Variants in GTF2I observed in about 807,000 individuals in gnomAD.
GTF2I encodes the protein general transcription factor II-I.
In GTF2I, 12 loss-of-function variants were observed where a neutral mutation model predicts 67.6. The ratio of observed to expected loss-of-function variants is 0.18; its 90% CI spans 0.11 to 0.29. The LOEUF is 0.29. GTF2I is among the 10% of genes least tolerant of loss of function. The pLI, the probability that GTF2I is intolerant of heterozygous loss-of-function variation, is 1.00. For synonymous variants in GTF2I, 149 were observed against 197.0 expected (o/e 0.76, Z 2.04); for missense variants, 271 against 580.1 (o/e 0.47, Z 5.47).
chr7:74,711,404 C>T (rs1428122594), intron 9 of GTF2I, among the ~76,000 whole-genome samples: 2 of 152,108 alleles, frequency 1.3e-5, no homozygotes, highest in African/African-American at 4.8e-5. Flanking sequence ...ATAAAACAAA[C>T]CTATTAGGCA....
intron 1 of GTF2I, among the ~76,000 whole-genome samples, chr7:74,688,701 C>G (rs1342633241): frequency 6.6e-6 from 1 of 152,190 alleles, no homozygotes; most frequent in African/African-American, 2.4e-5. Flanking sequence ...AGAAACTTCT[C>G]TCCACTCAGC....
At chr7:74,705,842 G>A (rs1477267398) in intron 7 of GTF2I, among the ~76,000 whole-genome samples, 1 of 151,776 alleles carries the variant, frequency 6.6e-6, no homozygotes, top group Non-Finnish European at 1.5e-5. Flanking sequence ...GGGATTACAG[G>A]CATGAGCCAC....
intron 12 of GTF2I, among the ~76,000 whole-genome samples, chr7:74,722,350 G>A (rs1470656406): frequency 6.6e-6 from 1 of 152,128 alleles, no homozygotes; most frequent in Non-Finnish European, 1.5e-5. Context: ...CTCAGTTTTC[G>A]TAAACACCGT....
At chr7:74,680,602 C>G (rs1554393913) in intron 1 of GTF2I, among the ~76,000 whole-genome samples, 1 of 151,912 alleles carries the variant, frequency 6.6e-6, no homozygotes, top group Non-Finnish European at 1.5e-5. Context: ...ATTAGCCGGG[C>G]GTGGTGCTGC....
intron 1 of GTF2I, among the ~76,000 whole-genome samples, chr7:74,678,195 C>T (rs1254351195): frequency 4.7e-5 from 7 of 149,960 alleles, no homozygotes; most frequent in Non-Finnish European, 8.9e-5. Flanking sequence ...GCTGGGATTA[C>T]AGGTGTGAGC....
intron 1 of GTF2I, among the ~76,000 whole-genome samples, chr7:74,679,854 G>C (rs1393380799): frequency 1.3e-5 from 2 of 151,892 alleles, no homozygotes; most frequent in African/African-American, 4.8e-5. Flanking sequence ...GCCGAGGCAG[G>C]CAGATTTCCT....
intron 29 of GTF2I, among the ~76,000 whole-genome samples, chr7:74,753,414 G>A (rs587602016): frequency 3.9e-5 from 6 of 152,330 alleles, no homozygotes; most frequent in African/African-American, 1.4e-4. Flanking sequence ...GCTCACACTT[G>A]TAATCCCAGC....
At chr7:74,717,799 C>T (rs922603105) in intron 11 of GTF2I, among the ~76,000 whole-genome samples, 5 of 152,044 alleles carry the variant, frequency 3.3e-5, no homozygotes, top group African/African-American at 1.2e-4. Flanking sequence ...CTTAAAAGTT[C>T]CCCAGTATAG....
At chr7:74,682,527 T>A (rs1554394388) in intron 1 of GTF2I, among the ~76,000 whole-genome samples, 1 of 152,172 alleles carries the variant, frequency 6.6e-6, no homozygotes, top group Non-Finnish European at 1.5e-5. Flanking sequence ...TTCTACTGGG[T>A]GGGCCAAGGA....
chr7:74,724,801 A>G (rs1554405362), intron 12 of GTF2I, among the ~76,000 whole-genome samples: 1 of 151,920 alleles, frequency 6.6e-6, no homozygotes, highest in Non-Finnish European at 1.5e-5. Flanking sequence ...GGCGCCTGTA[A>G]TCCCAGCTAC....
At chr7:74,690,367 C>G (rs1788166383) in intron 2 of GTF2I, among the ~76,000 whole-genome samples, 1 of 152,120 alleles carries the variant, frequency 6.6e-6, no homozygotes, top group African/African-American at 2.4e-5. Context: ...ATACTATATA[C>G]TCTGTAACAT....
intron 7 of GTF2I, among the ~76,000 whole-genome samples, chr7:74,705,693 C>T (rs1790559600): frequency 6.6e-6 from 1 of 151,894 alleles, no homozygotes; most frequent in African/African-American, 2.4e-5. Context: ...TCCCAAATAG[C>T]AGGGACTACA....
chr7:74,691,032 C>A lies in GTF2I; in HGVS notation c.159C>A (p.Asp53Glu). The change falls in exon 3 of 35, where the codon GAC becomes GAA. Residue 53 changes from aspartate (D) to glutamate (E), a missense_variant. Asp to Glu is a conservative substitution (Grantham distance 45, BLOSUM62 2). Transcript: ENST00000573035. ...EVACIAVYETDVFVVGTERGR... is the reference protein window; with the variant it reads ...EVACIAVYETEVFVVGTERGR... Reference sequence around the variant, plus strand: ...CCTGCATTGCAGTGTATGAAACAGACGTGTTTGTCGTCGGAACTGAAAGAG... The same window carrying A: ...CCTGCATTGCAGTGTATGAAACAGAAGTGTTTGTCGTCGGAACTGAAAGAG... The A allele has an allele frequency of 6.2e-7, 1 of 1,612,616 alleles. No individual in the cohort carries two copies. Among genetic ancestry groups the A allele is most frequent in the Non-Finnish European group, 8.5e-7 (1 of 1,178,946 alleles).
intron 1 of GTF2I, among the ~76,000 whole-genome samples, chr7:74,674,293 TG>T (rs782329681): frequency 1.3e-5 from 2 of 152,068 alleles, no homozygotes; most frequent in Admixed American, 6.6e-5. Context: ...GTCGAACTCT[TG>T]GTCTTAAGCA....
At chr7:74,748,793 C>G (rs1795613218) in intron 24 of GTF2I, among the ~76,000 whole-genome samples, 1 of 150,046 alleles carries the variant, frequency 6.7e-6, no homozygotes, top group Non-Finnish European at 1.5e-5. Flanking sequence ...TGCCTGTAAT[C>G]CCAGCTACTC....
rs587753664 is a variant in GTF2I, at chr7:74,703,592, C to A, written c.587-1572C>A. Among the ~76,000 whole-genome samples, 6 of 152,278 alleles carry A rather than the reference C, an allele frequency of 3.9e-5. No individual in the cohort carries two copies. The East Asian group carries it at 1.2e-3, about 29-fold the overall frequency. Reference sequence around the variant, plus strand: ...ACGGGGTTTCACCATATTGGTCAGGCTGGTCTCAAACTCCAGACCTCAGGT... The same window carrying A: ...ACGGGGTTTCACCATATTGGTCAGGATGGTCTCAAACTCCAGACCTCAGGT... On this transcript the variant is annotated intron_variant, in intron 6 of 34. Transcript: ENST00000573035.
At chr7:74,719,558 TAATAG>T (rs1792673908) in intron 12 of GTF2I, among the ~76,000 whole-genome samples, 1 of 152,270 alleles carries the variant, frequency 6.6e-6, no homozygotes, top group Non-Finnish European at 1.5e-5. Context: ...AAAATTCAGC[TAATAG>T]AATTATTAAC....
chr7:74,711,949 C>CTTT (rs587731254), intron 9 of GTF2I, among the ~76,000 whole-genome samples: 4 of 134,112 alleles, frequency 3.0e-5, no homozygotes, highest in Non-Finnish European at 3.2e-5. Context: ...TCATTTCTCT[C>CTTT]TTTTTTTTTT....
At chr7:74,711,949 C>CT (rs587731254) in intron 9 of GTF2I, among the ~76,000 whole-genome samples, 6,714 of 134,092 alleles carry the variant, frequency 0.05, 196 homozygotes, top group Non-Finnish European at 0.058. Flanking sequence ...TCATTTCTCT[C>CT]TTTTTTTTTT....
Sources: gnomAD v4.1 joint callset for allele counts (sites outside exome capture counted in the v4.1 genomes callset) on GRCh38, gnomAD v4.1.1 for gene constraint, MANE v1.5 for transcripts, NCBI Gene and HGNC (gene_info 2026-07-23, HGNC 2026-07-21) for gene names.